Variants in LRIF1 observed in about 807,000 individuals in gnomAD.
The protein encoded by LRIF1 is ligand dependent nuclear receptor interacting factor 1, also known as ligand-dependent nuclear receptor-interacting factor 1.
In LRIF1, 32 loss-of-function variants were observed where a neutral mutation model predicts 52.7. That is an observed-to-expected ratio of 0.61 (90% confidence interval 0.46 to 0.82). The LOEUF (loss-of-function observed/expected upper bound fraction) is 0.82. Among genes scored for constraint, LRIF1 ranks in the 40% least tolerant of loss-of-function variants. The pLI is 0.00. For synonymous variants in LRIF1, 323 were observed against 317.4 expected, an observed-to-expected ratio of 1.02 and a Z score of -0.19; for missense variants, 887 against 892.0, an observed-to-expected ratio of 0.99 and a Z score of 0.07.
chr1:110,948,715 C>G (rs1209604044), intron 3 of LRIF1, among the ~76,000 whole-genome samples: 2 of 152,062 alleles, frequency 1.3e-5, no homozygotes, highest in Admixed American at 1.3e-4. Flanking sequence ...TTGTTTTTTT[C>G]TTTTCCTTTG....
chr1:110,900,698 G>A, the LRIF1 span, among the ~76,000 whole-genome samples: 1 of 146,448 alleles, frequency 6.8e-6, no homozygotes, highest in Non-Finnish European at 1.5e-5. Flanking sequence ...CACCACATCA[G>A]TTCTGCCATA....
At chr1:110,886,869 A>ATATATATATATATATT in the LRIF1 span, among the ~76,000 whole-genome samples, 36 of 82,774 alleles carry the variant, frequency 4.3e-4, no homozygotes, top group South Asian at 2.1e-3. Context: ...ATATATATAT[A>ATATATATATATATATT]TTTTTTTTTT....
the LRIF1 span, chr1:110,892,374 G>T: frequency 6.2e-7 from 1 of 1,614,028 alleles, no homozygotes. Flanking sequence ...TGGGCTTTGG[G>T]ATCTACCTGC....
chr1:110,939,919 G>C, the LRIF1 span: 1 of 152,174 alleles, frequency 6.6e-6, no homozygotes, highest in Non-Finnish European at 1.5e-5. Context: ...CAGGACATTT[G>C]TCTGAGCAAA....
the LRIF1 span, among the ~76,000 whole-genome samples, chr1:110,881,477 A>G: frequency 3.1e-4 from 47 of 152,302 alleles, no homozygotes; most frequent in African/African-American, 1.1e-3. Context: ...GTAAAATTAT[A>G]CCACTATTTA....
the LRIF1 span, among the ~76,000 whole-genome samples, chr1:110,887,125 G>A: frequency 1.1e-4 from 16 of 151,360 alleles, no homozygotes; most frequent in Admixed American, 5.9e-4. Context: ...GTGCAGTGGC[G>A]CGATCTCGGC....
the LRIF1 span, among the ~76,000 whole-genome samples, chr1:110,922,810 C>CTAAGGGAGAGA: frequency 1.3e-5 from 2 of 152,206 alleles, no homozygotes; most frequent in African/African-American, 4.8e-5. Flanking sequence ...GTTCATTCTG[C>CTAAGGGAGAGA]ATGCATTAAG....
At chr1:110,887,462 C>A in the LRIF1 span, among the ~76,000 whole-genome samples, 1 of 152,264 alleles carries the variant, frequency 6.6e-6, no homozygotes, top group East Asian at 1.9e-4. Context: ...TACTTTCTTG[C>A]TTCTTGCATG....
the LRIF1 span, among the ~76,000 whole-genome samples, chr1:110,900,548 G>A: frequency 6.6e-6 from 1 of 152,050 alleles, no homozygotes; most frequent in Non-Finnish European, 1.5e-5. Flanking sequence ...TGTGTTTTTA[G>A]TAGAGATGGG....
chr1:110,955,335 A>T (rs1048477382), intron 1 of LRIF1, among the ~76,000 whole-genome samples: 1 of 152,202 alleles, frequency 6.6e-6, no homozygotes, highest in Non-Finnish European at 1.5e-5. Context: ...CTCTACTCCA[A>T]GCAAACATCA....
chr1:110,926,275 T>G, the LRIF1 span, among the ~76,000 whole-genome samples: 2 of 151,910 alleles, frequency 1.3e-5, no homozygotes, highest in Non-Finnish European at 1.5e-5. Context: ...GACAACACAA[T>G]ATTGGCACAA....
chr1:110,926,302 G>A, the LRIF1 span, among the ~76,000 whole-genome samples: 1 of 151,762 alleles, frequency 6.6e-6, no homozygotes, highest in Non-Finnish European at 1.5e-5. Context: ...TTAGGCTAAG[G>A]GAATAGAAGA....
chr1:110,898,251 C>T, the LRIF1 span, among the ~76,000 whole-genome samples: 97,661 of 151,450 alleles, frequency 0.64, 33,387 homozygotes, highest in Non-Finnish European at 0.77. Flanking sequence ...GTGGCAGGTG[C>T]CTGTAGTCCC....
At chr1:110,900,713 G>C in the LRIF1 span, among the ~76,000 whole-genome samples, 1 of 136,592 alleles carries the variant, frequency 7.3e-6, no homozygotes, top group Admixed American at 8.0e-5. Context: ...GCCATACACT[G>C]TTTTAAAAAA....
rs1387072753 is a variant in LRIF1, at chr1:110,947,440, G to A, written c.*519C>T. On this transcript the variant is annotated 3_prime_UTR_variant, in exon 4 of 4. Transcript: ENST00000369763. The stretch of plus-strand genomic sequence containing the variant: ...AATGTTTGAATGTTTAAATAATGTT[G>A]CCATAATACATATTATTTCACGACA... The A allele has an allele frequency of 6.6e-6, 1 of 152,028 alleles. No individual in the cohort carries two copies. Among genetic ancestry groups the A allele is most frequent in the Non-Finnish European group, 1.5e-5 (1 of 68,042 alleles). 9.4% of individuals were successfully genotyped at this position (152,028 alleles called of 1,614,324 possible). A position where few individuals can be genotyped will look rare whatever the true frequency, so the allele number is the denominator to read the frequency against.
the LRIF1 span, among the ~76,000 whole-genome samples, chr1:110,886,432 T>G: frequency 6.6e-6 from 1 of 152,200 alleles, no homozygotes; most frequent in Non-Finnish European, 1.5e-5. Context: ...TTTTATTTAG[T>G]CATTATTTCT....
At chr1:110,909,505 T>C in the LRIF1 span, among the ~76,000 whole-genome samples, 1 of 149,720 alleles carries the variant, frequency 6.7e-6, no homozygotes, top group East Asian at 2.0e-4. Context: ...ATGACACATA[T>C]AGGCTCAAAG....
the LRIF1 span, chr1:110,891,479 T>A: frequency 6.2e-7 from 1 of 1,607,556 alleles, no homozygotes. Context: ...TGGGTAAGTG[T>A]ATCTCTTCTG....
downstream of LRIF1, among the ~76,000 whole-genome samples, chr1:110,945,838 C>G (rs776790697): frequency 1.3e-5 from 2 of 152,166 alleles, no homozygotes; most frequent in African/African-American, 4.8e-5. Flanking sequence ...AGAAGACTGA[C>G]AATTGACTAC....
Sources: gnomAD v4.1 joint callset for allele counts (sites outside exome capture counted in the v4.1 genomes callset) on GRCh38, gnomAD v4.1.1 for gene constraint, MANE v1.5 for transcripts, NCBI Gene and HGNC (gene_info 2026-07-23, HGNC 2026-07-21) for gene names.